ARFGEF2: variants seen among roughly 807,000 people sequenced by gnomAD.
ARFGEF2 encodes the protein ARF guanine nucleotide exchange factor 2, also known as brefeldin A-inhibited guanine nucleotide-exchange protein 2.
A neutral mutation model predicts 219.9 loss-of-function variants in ARFGEF2; 74 were observed. That is an observed-to-expected ratio of 0.34 (90% CI 0.28 to 0.41). The LOEUF is 0.41. ARFGEF2 is among the 10% of genes least tolerant of loss of function. The pLI, the probability that ARFGEF2 is intolerant of heterozygous loss-of-function variation, is 1.00. For missense variants in ARFGEF2, 1,743 were observed against 2,218.3 expected (o/e 0.79, Z 4.30); for synonymous variants, 733 against 799.2 (o/e 0.92, Z 1.40).
chr20:49,019,290 A>C (rs150021618), intron 34 of ARFGEF2, among the ~76,000 whole-genome samples: 8 of 152,322 alleles, frequency 5.3e-5, no homozygotes, highest in African/African-American at 1.9e-4. Flanking sequence ...TGACATATAC[A>C]TTCACACACA....
chr20:48,972,380 G>A lies in ARFGEF2; in HGVS notation c.1480G>A (p.Glu494Lys). The A allele has an allele frequency of 6.2e-7, 1 of 1,614,130 alleles. No individual in the cohort carries two copies. The highest frequency in any genetic ancestry group is 1.6e-4 in the Middle Eastern group (1 of 6,062). Residue 494 changes from glutamate (E) to lysine (K), a missense_variant, in exon 11 of 39, where the codon GAG becomes AAG. Glu to Lys is a moderately conservative substitution (Grantham distance 56, BLOSUM62 1). This residue lies in a region of ARFGEF2 where 666 missense variants were observed against 955.4 expected (regional missense o/e 0.70). Coordinates refer to ENST00000371917, the MANE Select transcript of ARFGEF2 (RefSeq NM_006420.3). ...TTTAGAAACATCAACAAGTTCTTTT[G>A]AGCACAGGTGGATGGTCATTCAGAC... ...NILETSTSSFEHRWMVIQTLT... is the reference protein window; with the variant it reads ...NILETSTSSFKHRWMVIQTLT...
At chr20:49,004,779 C>T (rs1177530655) in intron 25 of ARFGEF2, among the ~76,000 whole-genome samples, 6 of 151,912 alleles carry the variant, frequency 3.9e-5, no homozygotes, top group Non-Finnish European at 8.8e-5. Context: ...GCGACAGAGC[C>T]AGACTCCATC....
intron 30 of ARFGEF2, among the ~76,000 whole-genome samples, chr20:49,015,773 T>C (rs1480837734): frequency 6.6e-6 from 1 of 152,210 alleles, no homozygotes; most frequent in Non-Finnish European, 1.5e-5. Context: ...AAGCCAACTG[T>C]ATCACATTGA....
chr20:48,988,274 A>G (rs1293801626), intron 16 of ARFGEF2, 30 bp from the exon 17 acceptor site: 10 of 1,538,390 alleles, frequency 6.5e-6, no homozygotes, highest in African/African-American at 1.4e-5. Context: ...CATCACCATG[A>G]ATATTGATGT....
Position 48,965,884 on chromosome 20 carries a change from A to G in ARFGEF2, c.920A>G (p.Lys307Arg). 6.2e-7 allele frequency: 1 copy of G among 1,614,196 alleles called. No homozygotes were observed. Among genetic ancestry groups the G allele is most frequent in the Non-Finnish European group, 8.5e-7 (1 of 1,180,034 alleles). The change falls in exon 8 of 39, where the codon AAG becomes AGG. Residue 307 changes from lysine to arginine, a missense_variant. By Grantham distance (26) the Lys-to-Arg change is conservative (BLOSUM62 2). This residue lies in a region of ARFGEF2 where 394 missense variants were observed against 426.6 expected (regional missense o/e 0.92). Transcript: ENST00000371917. ...CTTGTGTTTTAAGAAGCAGCGGAAA[A>G]GCATGGTCTGACAGAACCTGAGAGA... Reference protein sequence around the residue: ...VTSAIKEAAEKHGLTEPERVL... With the variant: ...VTSAIKEAAERHGLTEPERVL...
At chr20:48,988,889 A>G (rs1422643156) in intron 18 of ARFGEF2, among the ~76,000 whole-genome samples, 1 of 152,194 alleles carries the variant, frequency 6.6e-6, no homozygotes, top group Non-Finnish European at 1.5e-5. Flanking sequence ...CTGAGAACTA[A>G]ATTACTCCCA....
At chr20:48,987,657 G>C (rs909491352) in intron 16 of ARFGEF2, among the ~76,000 whole-genome samples, 4 of 151,990 alleles carry the variant, frequency 2.6e-5, no homozygotes, top group Non-Finnish European at 5.9e-5. Context: ...CCTCTCTCAG[G>C]GTCAGCACCA....
intron 16 of ARFGEF2, among the ~76,000 whole-genome samples, chr20:48,986,053 CA>C (rs1295080159): frequency 6.6e-6 from 1 of 152,052 alleles, no homozygotes; most frequent in African/African-American, 2.4e-5. Flanking sequence ...TAAAAACCAC[CA>C]AAGTACATGA....
intron 1 of ARFGEF2, among the ~76,000 whole-genome samples, chr20:48,928,400 G>A (rs1453560376): frequency 2.1e-5 from 3 of 146,144 alleles, no homozygotes; most frequent in South Asian, 2.2e-4. Context: ...GGGTTTCACC[G>A]TGTTAGCCAG....
intron 25 of ARFGEF2, among the ~76,000 whole-genome samples, chr20:49,004,452 C>T (rs1477820009): frequency 4.7e-5 from 7 of 149,424 alleles, no homozygotes; most frequent in Non-Finnish European, 4.5e-5. Flanking sequence ...GTATATTTTA[C>T]AATTAGAAAA....
At chr20:48,963,958 C>G in intron 7 of ARFGEF2, 60 bp downstream of exon 7, 1 of 1,530,568 alleles carries the variant, frequency 6.5e-7, no homozygotes, top group Non-Finnish European at 9.0e-7. Context: ...AAGTCCTCAG[C>G]AAAATATTTT....
At chr20:48,964,191 G>A (rs886978462) in intron 7 of ARFGEF2, among the ~76,000 whole-genome samples, 4 of 152,162 alleles carry the variant, frequency 2.6e-5, no homozygotes, top group Non-Finnish European at 5.9e-5. Context: ...GGCGGTTCAC[G>A]AGGTCAGGAG....
At chr20:48,992,080 G>A (rs1251763405) in intron 21 of ARFGEF2, among the ~76,000 whole-genome samples, 2 of 152,150 alleles carry the variant, frequency 1.3e-5, no homozygotes, top group African/African-American at 2.4e-5. Flanking sequence ...AATAAGGGAG[G>A]AGGGTTACCT....
chr20:49,022,396 C>T (rs935854043), intron 34 of ARFGEF2, among the ~76,000 whole-genome samples: 5 of 150,350 alleles, frequency 3.3e-5, no homozygotes, highest in African/African-American at 1.2e-4. Flanking sequence ...TGAGGAAATC[C>T]CATCTCTATT....
rs142893688 is a variant in ARFGEF2 at position 48,971,613 on chromosome 20, G to A, written c.1425+259G>A. On this transcript the variant is annotated intron_variant, in intron 10 of 38. Coordinates refer to ENST00000371917, the MANE Select transcript of ARFGEF2 (RefSeq NM_006420.3). The stretch of plus-strand genomic sequence containing the variant: ...GAATATCTTTTTATAAAAAGTTACT[G>A]CCCCCAGCCTGGGCGCCATGGCTCA... Among the ~76,000 whole-genome samples, 187 of 152,248 alleles carry A rather than the reference G, an allele frequency of 1.2e-3. 1 individual carries two copies. The highest frequency in any genetic ancestry group is 7.7e-3 in the East Asian group (40 of 5,178).
At chr20:49,020,658 C>A (rs1373788424) in intron 34 of ARFGEF2, among the ~76,000 whole-genome samples, 3 of 152,152 alleles carry the variant, frequency 2.0e-5, no homozygotes, top group Non-Finnish European at 4.4e-5. Context: ...GTTGCCCAGG[C>A]TGGTCTTGAA....
Position 49,009,270 on chromosome 20 carries a change from T to C in ARFGEF2, c.3585-962T>C, listed in dbSNP as rs183618613. Among the ~76,000 whole-genome samples the C allele has an allele frequency of 3.4e-3, 515 of 152,304 alleles. 3 individuals are homozygous for C. The highest frequency in any genetic ancestry group is 5.2e-3 in the Admixed American group (80 of 15,302). On this transcript the variant is annotated intron_variant, in intron 26 of 38. Coordinates refer to ENST00000371917, the MANE Select transcript of ARFGEF2 (RefSeq NM_006420.3). ...CTAATTTTTAACTGTTTTGACTTTCTCCTTGCCTTCTCTAAATGGCCTTTC... is the reference window on the plus strand; with the variant it reads ...CTAATTTTTAACTGTTTTGACTTTCCCCTTGCCTTCTCTAAATGGCCTTTC...
In ARFGEF2 at chr20:48,935,482, C is replaced by T. The variant is rs1479670364; in HGVS notation, c.122-5717C>T. 4.6e-5 allele frequency among the ~76,000 whole-genome samples: 7 copies of T among 152,122 alleles called. No individual in the cohort carries two copies. The South Asian group carries it at 1.5e-3, about 32-fold the overall frequency. ...GTACAGAACAAAATGAAAAGTCTCC[C>T]ATGTCTACCTCTTTCTACACAGACA... On this transcript the variant is annotated intron_variant, in intron 1 of 38. Coordinates refer to ENST00000371917, the MANE Select transcript of ARFGEF2 (RefSeq NM_006420.3).
intron 23 of ARFGEF2, among the ~76,000 whole-genome samples, chr20:48,996,897 G>T (rs1197926312): frequency 6.6e-6 from 1 of 150,728 alleles, no homozygotes; most frequent in African/African-American, 2.4e-5. Flanking sequence ...AAGAAGCTTC[G>T]TACTTATTAG....
Sources: gnomAD v4.1 joint callset for allele counts (sites outside exome capture counted in the v4.1 genomes callset) on GRCh38, gnomAD v4.1.1 for gene constraint, gnomAD v4.1.1 regional missense constraint, MANE v1.5 for transcripts, NCBI Gene and HGNC (gene_info 2026-07-23, HGNC 2026-07-21) for gene names.